The following TLR4 variants were observed in gnomAD, a reference collection of about 807,000 sequenced individuals.
TLR4 encodes the protein toll-like receptor 4.
TLR4 carries 17 observed loss-of-function variants against 27.4 expected under a neutral mutation model. The ratio of observed to expected loss-of-function variants is 0.62; its 90% CI spans 0.42 to 0.93. The LOEUF is 0.93. Ranked by LOEUF, TLR4 falls within the 40% of genes least tolerant of loss-of-function variation. The probability of loss-of-function intolerance (pLI) is 0.00; values close to 1 mark genes in which losing one functional copy is unlikely to be tolerated. For missense variants in TLR4, 926 were observed against 962.3 expected, an observed-to-expected ratio of 0.96 and a Z score of 0.50; for synonymous variants, 363 against 365.7, an observed-to-expected ratio of 0.99 and a Z score of 0.08.
At position 117,713,521 on chromosome 9, in the gene TLR4, G is replaced by A; in HGVS notation, c.1393G>A (p.Gly465Ser). The change falls in exon 3 of 3, where the codon GGC becomes AGC. Residue 465 changes from glycine to serine, a missense_variant. Transcript: ENST00000355622. ...TACTCACACCAGAGTTGCTTTCAAT[G>A]GCATCTTCAATGGCTTGTCCAGTCT... The part of the protein sequence containing the change: ...SHTHTRVAFN[G>S]IFNGLSSLEV... The A allele has an allele frequency of 6.2e-7, 1 of 1,614,052 alleles. No homozygotes were observed. The highest frequency in any genetic ancestry group is 8.5e-7 in the Non-Finnish European group (1 of 1,180,012).
At chr9:117,704,986 C>T (rs997600283) in intron 1 of TLR4, among the ~76,000 whole-genome samples, 1 of 152,154 alleles carries the variant, frequency 6.6e-6, no homozygotes, top group Non-Finnish European at 1.5e-5. Context: ...CACCCTGCTC[C>T]TTTCAATCTC....
In TLR4 at chr9:117,712,588, G is replaced by A. The variant is rs767283510; in HGVS notation, c.460G>A (p.Glu154Lys). The A allele has an allele frequency of 3.7e-6, 6 of 1,614,020 alleles. No homozygotes were observed. The highest frequency in any genetic ancestry group is 5.1e-6 in the Non-Finnish European group (6 of 1,179,978). The part of the protein sequence containing the change: ...FPIGHLKTLK[E>K]LNVAHNLIQS... Reference sequence around the variant, plus strand: ...CATTGGACATCTCAAAACTTTGAAAGAACTTAATGTGGCTCACAATCTTAT... The same window carrying A: ...CATTGGACATCTCAAAACTTTGAAAAAACTTAATGTGGCTCACAATCTTAT... The change falls in exon 3 of 3, where the codon GAA becomes AAA. Residue 154 changes from glutamate to lysine, a missense_variant. Coordinates refer to ENST00000355622, the MANE Select transcript of TLR4 (RefSeq NM_138554.5).
chr9:117,708,306 T>C lies in TLR4; in HGVS notation c.94-257T>C, dbSNP rs993469609. The C allele has an allele frequency of 7.1e-6, 9 of 1,259,812 alleles. No homozygotes were observed. The African/African-American group carries it at 1.2e-4, about 17-fold the overall frequency. 78.0% of individuals were successfully genotyped at this position (1,259,812 alleles called of 1,614,324 possible). A position where few individuals can be genotyped will look rare whatever the true frequency, so the allele number is the denominator to read the frequency against. On this transcript the variant is annotated intron_variant, in intron 1 of 2. Coordinates refer to ENST00000355622, the MANE Select transcript of TLR4 (RefSeq NM_138554.5). Reference sequence around the variant, plus strand: ...CATTGCTTCTTGCTAAATGCTGCCGTTTTATCACGGAGGTTAGAATGCTGA... The same window carrying C: ...CATTGCTTCTTGCTAAATGCTGCCGCTTTATCACGGAGGTTAGAATGCTGA...
At chr9:117,707,105 G>A (rs1225106075) in intron 1 of TLR4, among the ~76,000 whole-genome samples, 1 of 152,152 alleles carries the variant, frequency 6.6e-6, no homozygotes, top group Non-Finnish European at 1.5e-5. Flanking sequence ...AATACGATGA[G>A]AACAATCAGA....
rs1829177920 is a variant in TLR4 at position 117,708,628 on chromosome 9, C to T, written c.159C>T (p.Pro53=). 1.9e-6 allele frequency: 3 copies of T among 1,613,988 alleles called. No homozygotes were observed. Among genetic ancestry groups the T allele is most frequent in the Non-Finnish European group, 2.5e-6 (3 of 1,179,874 alleles). Residue 53 remains proline, a synonymous_variant, in exon 2 of 3, where the codon CCC becomes CCT. Transcript: ENST00000355622. ...TCTACAAAATCCCCGACAACCTCCC[C>T]TTCTCAACCAAGAACCTGGACCTGA... ...LNFYKIPDNL[P]FSTKNLDLSF...
chr9:117,704,726 AC>A (rs1829107708), intron 1 of TLR4, among the ~76,000 whole-genome samples, 161 bp downstream of exon 1: 1 of 152,030 alleles, frequency 6.6e-6, no homozygotes, highest in South Asian at 2.1e-4. Context: ...GTTACAGGGC[AC>A]TAGAGGCAGC....
chr9:117,704,651 C>CAAAAA, intron 1 of TLR4, 86 bp downstream of exon 1: 1 of 824,296 alleles, frequency 1.2e-6, no homozygotes, highest in South Asian at 1.6e-5. Context: ...TTTATTTTTG[C>CAAAAA]AAAAAAAAAA....
chr9:117,717,363 T>C lies in TLR4; in HGVS notation c.*2715T>C, dbSNP rs1445225223. On this transcript the variant is annotated 3_prime_UTR_variant, in exon 3 of 3. Coordinates refer to ENST00000355622, the MANE Select transcript of TLR4 (RefSeq NM_138554.5). ...TTTTCCTATACATAAATACCTAAGA[T>C]AAAGTTCATCTTCTGAATTAGGCAC... 1 of 152,128 alleles carries C rather than the reference T, an allele frequency of 6.6e-6. No homozygotes were observed. Among genetic ancestry groups the C allele is most frequent in the African/African-American group, 2.4e-5 (1 of 41,436 alleles). The allele number at this position is 152,128 out of a possible 1,614,324, so 9.4% of individuals were successfully genotyped here. A position where few individuals can be genotyped will look rare whatever the true frequency, so the allele number is the denominator to read the frequency against.
In TLR4 at chr9:117,713,747, A is replaced by C; in HGVS notation, c.1619A>C (p.Tyr540Ser). The C allele has an allele frequency of 6.2e-7, 1 of 1,614,016 alleles. No individual in the cohort carries two copies. Among genetic ancestry groups the C allele is most frequent in the South Asian group, 1.1e-5 (1 of 91,088 alleles). ...TTCTTTTCATTGGATACGTTTCCTT[A>C]TAAGTGTCTGAACTCCCTCCAGGTT... ...NNFFSLDTFP[Y>S]KCLNSLQVLD... Residue 540 changes from tyrosine to serine, a missense_variant, in exon 3 of 3, where the codon TAT becomes TCT. Tyr to Ser is a moderately radical substitution (Grantham distance 144). Transcript: ENST00000355622.
Position 117,717,044 on chromosome 9 carries a change from G to C in TLR4, c.*2396G>C, listed in dbSNP as rs1829359975. On this transcript the variant is annotated 3_prime_UTR_variant, in exon 3 of 3. Transcript: ENST00000355622. Reference sequence around the variant, plus strand: ...GTGTGTTTCCATGTCTCATGTACTAGTGAAAGTAGATGTGTGCATTTGTGC... The same window carrying C: ...GTGTGTTTCCATGTCTCATGTACTACTGAAAGTAGATGTGTGCATTTGTGC... The C allele has an allele frequency of 2.0e-5, 3 of 152,180 alleles. No homozygotes were observed. The highest frequency in any genetic ancestry group is 7.2e-5 in the African/African-American group (3 of 41,456). 9.4% of individuals were successfully genotyped at this position (152,180 alleles called of 1,614,324 possible).
rs1476097067 is a variant in TLR4 at position 117,720,573 on chromosome 9, G to T, written c.*5925G>T. 1.3e-5 allele frequency: 2 copies of T among 152,222 alleles called. No homozygotes were observed. Among genetic ancestry groups the T allele is most frequent in the Non-Finnish European group, 2.9e-5 (2 of 68,036 alleles). The allele number at this position is 152,222 out of a possible 1,614,324, so 9.4% of individuals were successfully genotyped here. On this transcript the variant is annotated 3_prime_UTR_variant, in exon 3 of 3. Transcript: ENST00000355622. ...GGAATGGCAATAAAGGTTTAGAAAT[G>T]ACGTGATGTTTATGAGAGAAGTGTT...
At chr9:117,707,510 T>C (rs1292837313) in intron 1 of TLR4, among the ~76,000 whole-genome samples, 2 of 152,216 alleles carry the variant, frequency 1.3e-5, no homozygotes, top group African/African-American at 4.8e-5. Flanking sequence ...TCAAACATTC[T>C]ATTGGTTTCA....
rs201943367 is a variant in TLR4 at position 117,712,714 on chromosome 9, C to G, written c.586C>G (p.Arg196Gly). Residue 196 changes from arginine to glycine, a missense_variant, in exon 3 of 3, where the codon CGG (arginine) becomes GGG (glycine). Arg to Gly is a moderately radical substitution (Grantham distance 125). Coordinates refer to ENST00000355622, the MANE Select transcript of TLR4 (RefSeq NM_138554.5). ...TCAAAGTATTTATTGCACAGACTTG[C>G]GGGTTCTACATCAAATGCCCCTACT... Reference protein sequence around the residue: ...KIQSIYCTDLRVLHQMPLLNL... With the variant: ...KIQSIYCTDLGVLHQMPLLNL... 6.2e-7 allele frequency: 1 copy of G among 1,614,058 alleles called. No individual in the cohort carries two copies.
At position 117,714,278 on chromosome 9, in the gene TLR4, C is replaced by T. The variant is rs1421321541; in HGVS notation, c.2150C>T (p.Ala717Val). 7.5e-6 allele frequency: 12 copies of T among 1,593,092 alleles called. No individual in the cohort carries two copies. The highest frequency in any genetic ancestry group is 1.1e-5 in the South Asian group (1 of 89,688). Residue 717 changes from alanine (A) to valine (V), a missense_variant, in exon 3 of 3, where the codon GCC (alanine) becomes GTC (valine). By Grantham distance (64) the Ala-to-Val change is moderately conservative (BLOSUM62 0). Transcript: ENST00000355622. Reference protein sequence around the residue: ...LHYRDFIPGVAIAANIIHEGF... With the variant: ...LHYRDFIPGVVIAANIIHEGF... ...TACAGAGACTTTATTCCCGGTGTGG[C>T]CATTGCTGCCAACATCATCCATGAA...
In TLR4 at chr9:117,714,123, A is replaced by G. The variant is rs1292683615; in HGVS notation, c.1995A>G (p.Ile665Met). Reference protein sequence around the residue: ...YFHLMLLAGCIKYGRGENIYD... With the variant: ...YFHLMLLAGCMKYGRGENIYD... ...ACCTGATGCTTCTTGCTGGCTGCAT[A>G]AAGTATGGTAGAGGTGAAAACATCT... Residue 665 changes from isoleucine (I) to methionine (M), a missense_variant, in exon 3 of 3, where the codon ATA becomes ATG. Transcript: ENST00000355622. 4 of 1,614,092 alleles carry G rather than the reference A, an allele frequency of 2.5e-6. No individual in the cohort carries two copies. Among genetic ancestry groups the G allele is most frequent in the East Asian group, 2.2e-5 (1 of 44,876 alleles).
At chr9:117,712,195 A>G (rs933554465) in intron 2 of TLR4, among the ~76,000 whole-genome samples, 194 bp from the exon 3 acceptor site, 2 of 152,148 alleles carry the variant, frequency 1.3e-5, no homozygotes, top group Non-Finnish European at 2.9e-5. Context: ...TGCAGCCAGT[A>G]TGATAATACT....
At position 117,708,682 on chromosome 9, in the gene TLR4, C is replaced by A; in HGVS notation, c.213C>A (p.Ser71Arg). Residue 71 changes from serine to arginine, a missense_variant, in exon 2 of 3, where the codon AGC becomes AGA. Transcript: ENST00000355622. ...TTAATCCCCTGAGGCATTTAGGCAGCTATAGCTTCTTCAGTTTCCCAGAAC... is the reference window on the plus strand; with the variant it reads ...TTAATCCCCTGAGGCATTTAGGCAGATATAGCTTCTTCAGTTTCCCAGAAC... ...LSFNPLRHLG[S>R]YSFFSFPELQ... is the part of the protein sequence containing the mutation. 1 of 1,613,922 alleles carries A rather than the reference C, an allele frequency of 6.2e-7. No individual in the cohort carries two copies. Among genetic ancestry groups the A allele is most frequent in the Non-Finnish European group, 8.5e-7 (1 of 1,179,858 alleles).
chr9:117,713,563 G>A lies in TLR4; in HGVS notation c.1435G>A (p.Ala479Thr). The A allele has an allele frequency of 1.9e-6, 3 of 1,614,028 alleles. No homozygotes were observed. The highest frequency in any genetic ancestry group is 1.6e-4 in the Middle Eastern group (1 of 6,062). Residue 479 changes from alanine to threonine, a missense_variant, in exon 3 of 3, where the codon GCT (alanine) becomes ACT (threonine). Transcript: ENST00000355622. ...GLSSLEVLKM[A>T]GNSFQENFLP... ...GTCCAGTCTCGAAGTCTTGAAAATGGCTGGCAATTCTTTCCAGGAAAACTT... is the reference window on the plus strand; with the variant it reads ...GTCCAGTCTCGAAGTCTTGAAAATGACTGGCAATTCTTTCCAGGAAAACTT...
chr9:117,717,498 CT>C lies in TLR4; in HGVS notation c.*2851del, dbSNP rs1303117991. 5 of 147,684 alleles carry C rather than the reference CT, an allele frequency of 3.4e-5. No individual in the cohort carries two copies. The highest frequency in any genetic ancestry group is 2.7e-4 in the Admixed American group (4 of 15,064). 9.1% of individuals were successfully genotyped at this position (147,684 alleles called of 1,614,324 possible). ...TCTTTCTCTCTCTCAAAATATCTTA[CT>C]GTACTGTACTCACCTATTTTCAGAC... is the stretch of plus-strand genomic sequence containing the variant. On this transcript the variant is annotated 3_prime_UTR_variant, in exon 3 of 3. Coordinates refer to ENST00000355622, the MANE Select transcript of TLR4 (RefSeq NM_138554.5).
Sources: gnomAD v4.1 joint callset for allele counts (sites outside exome capture counted in the v4.1 genomes callset) on GRCh38, gnomAD v4.1.1 for gene constraint, MANE v1.5 for transcripts, NCBI Gene and HGNC (gene_info 2026-07-23, HGNC 2026-07-21) for gene names.